MVB12B: variants seen among roughly 807,000 people sequenced by gnomAD.
MVB12B encodes the protein multivesicular body subunit 12B, also known as ESCRT-I complex subunit MVB12B.
Under a neutral mutation model 41.6 loss-of-function variants are expected in MVB12B, and 16 were observed. The observed-to-expected ratio is 0.38, with a 90% CI of 0.26 to 0.58. The LOEUF is 0.58. MVB12B is among the 20% of genes least tolerant of loss of function. MVB12B has a pLI of 0.62. For synonymous variants in MVB12B, 133 were observed against 139.7 expected (o/e 0.95, Z 0.34); for missense variants, 274 against 380.2 (o/e 0.72, Z 2.32).
intron 6 of MVB12B, 115 bp from the exon 7 acceptor site, chr9:126,421,739 C>T: frequency 1.3e-6 from 1 of 772,336 alleles, no homozygotes; most frequent in South Asian, 1.5e-5. Context: ...TGGCCAGAAG[C>T]ACCTGCTCTG....
intron 9 of MVB12B, among the ~76,000 whole-genome samples, chr9:126,493,940 CA>C (rs1480885224): frequency 6.6e-6 from 1 of 152,202 alleles, no homozygotes; most frequent in Non-Finnish European, 1.5e-5. Flanking sequence ...TCCATCCTGG[CA>C]AGGTCGTTCC....
intron 7 of MVB12B, among the ~76,000 whole-genome samples, chr9:126,463,227 C>T (rs1194939025): frequency 1.3e-5 from 2 of 152,114 alleles, no homozygotes; most frequent in Non-Finnish European, 2.9e-5. Flanking sequence ...TGTTCTCCTG[C>T]CTCCCGTCTC....
chr9:126,470,381 G>A (rs1290774102), intron 7 of MVB12B, among the ~76,000 whole-genome samples: 4 of 152,152 alleles, frequency 2.6e-5, no homozygotes, highest in Admixed American at 6.5e-5. Flanking sequence ...GTTGTGTGTC[G>A]AGTTTCTTGT....
At chr9:126,455,552 A>G (rs10987287) in intron 7 of MVB12B, among the ~76,000 whole-genome samples, 19,032 of 152,072 alleles carry the variant, frequency 0.13, 1,568 homozygotes, top group South Asian at 0.21. Context: ...TGGCAAGATC[A>G]TCACTCACTG....
In MVB12B at chr9:126,376,521, C is replaced by G. The variant is rs1160225414; in HGVS notation, c.205-4543C>G. On this transcript the variant is annotated intron_variant, in intron 2 of 9. Transcript: ENST00000361171. This position sits in a 1 kb window ranked among gnomAD's most constrained non-coding sequence, Gnocchi z 4.1. ...GCTGGTGTGCTACACAGTGGGGCGA[C>G]GAGCAGGGAGCTGGCTCAGATCGTG... 8 of 1,289,092 alleles carry G rather than the reference C, an allele frequency of 6.2e-6. No individual in the cohort carries two copies. Among genetic ancestry groups the G allele is most frequent in the Middle Eastern group, 2.2e-4 (1 of 4,638 alleles). 79.9% of individuals were successfully genotyped at this position (1,289,092 alleles called of 1,614,324 possible). A position where few individuals can be genotyped will look rare whatever the true frequency, so the allele number is the denominator to read the frequency against.
intron 6 of MVB12B, among the ~76,000 whole-genome samples, chr9:126,407,111 G>A (rs1831457586): frequency 6.6e-6 from 1 of 152,154 alleles, no homozygotes; most frequent in South Asian, 2.1e-4. Flanking sequence ...TGGTGGTTTT[G>A]CTTGACCCCA....
At chr9:126,409,595 C>T (rs1831565341) in intron 6 of MVB12B, among the ~76,000 whole-genome samples, 1 of 152,200 alleles carries the variant, frequency 6.6e-6, no homozygotes, top group Non-Finnish European at 1.5e-5. Flanking sequence ...AGCAGGGCAT[C>T]CCCTTAGACC....
chr9:126,437,138 C>A (rs1832500940), intron 7 of MVB12B, among the ~76,000 whole-genome samples: 1 of 152,144 alleles, frequency 6.6e-6, no homozygotes, highest in African/African-American at 2.4e-5. Context: ...TTAGGGTGAA[C>A]AGGCAAGTCT....
At chr9:126,354,201 T>A (rs1040325738) in intron 2 of MVB12B, among the ~76,000 whole-genome samples, 1 of 152,212 alleles carries the variant, frequency 6.6e-6, no homozygotes, top group African/African-American at 2.4e-5. Context: ...GCTTCCCTTA[T>A]ATATTCTGTG....
Position 126,367,387 on chromosome 9 carries a change from T to C in MVB12B, c.205-13677T>C, listed in dbSNP as rs544121692. On this transcript the variant is annotated intron_variant, in intron 2 of 9. Coordinates refer to ENST00000361171, the MANE Select transcript of MVB12B (RefSeq NM_033446.3). The surrounding 1 kb of genome is among the most constrained non-coding windows in gnomAD (Gnocchi z 4.3). ...TCTCTCTCATCCGCGTGGCCAGTGG[T>C]CCAGCCAACCCCACGCTTCCCACAT... Among the ~76,000 whole-genome samples the C allele has an allele frequency of 6.6e-6, 1 of 152,188 alleles. No homozygotes were observed. Among genetic ancestry groups the C allele is most frequent in the East Asian group, 1.9e-4 (1 of 5,160 alleles).
chr9:126,391,927 G>T lies in MVB12B; in HGVS notation c.410-139G>T. The T allele has an allele frequency of 1.0e-6, 1 of 990,064 alleles. No individual in the cohort carries two copies. Among genetic ancestry groups the T allele is most frequent in the Non-Finnish European group, 1.5e-6 (1 of 648,838 alleles). The allele number at this position is 990,064 out of a possible 1,614,324, so 61.3% of individuals were successfully genotyped here. ...CCCCGGGGAAGGCAGGCGGCAGAGC[G>T]CAGCCCTTCTGTCCAGCAGCTTAGG... On this transcript the variant is annotated intron_variant, in intron 4 of 9. Transcript: ENST00000361171. The surrounding 1 kb of genome is among the most constrained non-coding windows in gnomAD (Gnocchi z 4.4).
chr9:126,384,378 C>T (rs983044591), intron 3 of MVB12B, among the ~76,000 whole-genome samples: 2 of 152,166 alleles, frequency 1.3e-5, no homozygotes, highest in African/African-American at 4.8e-5. Flanking sequence ...ATTACACTTG[C>T]TGCTATGACC....
chr9:126,382,538 A>G (rs1360088878), intron 3 of MVB12B, among the ~76,000 whole-genome samples: 1 of 152,188 alleles, frequency 6.6e-6, no homozygotes, highest in Admixed American at 6.5e-5. Context: ...AGAGTGGACA[A>G]GGGCACTGAG....
At chr9:126,458,424 G>A (rs2119172252) in intron 7 of MVB12B, among the ~76,000 whole-genome samples, 1 of 152,316 alleles carries the variant, frequency 6.6e-6, no homozygotes, top group Middle Eastern at 3.4e-3. Flanking sequence ...TCTGACCCCT[G>A]GCCGGAGCCA....
chr9:126,405,658 C>T (rs1831399259), intron 6 of MVB12B, among the ~76,000 whole-genome samples: 1 of 149,432 alleles, frequency 6.7e-6, no homozygotes, highest in African/African-American at 2.5e-5. Flanking sequence ...TATTTCGATG[C>T]AGAGTTTCAA....
chr9:126,345,709 A>G (rs1410757451), intron 2 of MVB12B, among the ~76,000 whole-genome samples: 1 of 152,260 alleles, frequency 6.6e-6, no homozygotes, highest in African/African-American at 2.4e-5. Context: ...TCCTTTCTCC[A>G]GAACCATTGA....
intron 7 of MVB12B, among the ~76,000 whole-genome samples, chr9:126,451,187 G>T (rs181540359): frequency 1.3e-5 from 2 of 152,198 alleles, no homozygotes; most frequent in African/African-American, 4.8e-5. Context: ...AGGGAGTCAG[G>T]CCCTTCACCA....
intron 6 of MVB12B, chr9:126,397,779 T>G: frequency 2.9e-6 from 1 of 343,664 alleles, no homozygotes; most frequent in Non-Finnish European, 4.1e-6. Context: ...AAATGTTGAT[T>G]ATTCATTCAA....
chr9:126,360,955 CCTAT>C (rs1830013988), intron 2 of MVB12B, among the ~76,000 whole-genome samples: 1 of 152,120 alleles, frequency 6.6e-6, no homozygotes, highest in African/African-American at 2.4e-5. Context: ...TTGCTTTGAA[CCTAT>C]CTGTGTCTTT....
Sources: allele counts gnomAD v4.1 joint callset (sites outside exome capture counted in the v4.1 genomes callset), GRCh38; gene constraint gnomAD v4.1.1; non-coding constraint Gnocchi (gnomAD v3.1); transcripts MANE v1.5; gene names NCBI Gene and HGNC (gene_info 2026-07-23, HGNC 2026-07-21).